MRRF: variants seen among roughly 807,000 people sequenced by gnomAD.
The protein encoded by MRRF is mitochondrial ribosome recycling factor.
MRRF carries 18 observed loss-of-function variants against 25.1 expected under a neutral mutation model. The observed-to-expected ratio is 0.72, with a 90% CI of 0.50 to 1.06. The LOEUF is 1.06. Ranked by LOEUF, MRRF falls within the 50% of genes least tolerant of loss-of-function variation. The pLI is 0.00. For synonymous variants in MRRF, 113 were observed against 112.1 expected, an observed-to-expected ratio of 1.01 and a Z score of -0.05; for missense variants, 323 against 319.3, an observed-to-expected ratio of 1.01 and a Z score of -0.09.
At chr9:122,265,927 T>C in intron 1 of MRRF, 1 of 424,454 alleles carries the variant, frequency 2.4e-6, no homozygotes, top group Non-Finnish European at 4.4e-6. Context: ...CTTTACCTGG[T>C]ACTGCATTTA....
At chr9:122,278,243 A>G (rs1832895905) in intron 2 of MRRF, among the ~76,000 whole-genome samples, 1 of 152,150 alleles carries the variant, frequency 6.6e-6, no homozygotes, top group Non-Finnish European at 1.5e-5. Context: ...TATAGAAATA[A>G]AAAAACCCTG....
intron 5 of MRRF, among the ~76,000 whole-genome samples, chr9:122,304,463 A>T (rs1190988157): frequency 1.3e-5 from 2 of 152,208 alleles, no homozygotes; most frequent in South Asian, 2.1e-4. Context: ...ATTGAAACAC[A>T]CAAGGATGTT....
At position 122,273,981 on chromosome 9, in the gene MRRF, C is replaced by G. The variant is rs571955097; in HGVS notation, c.184+2906C>G. On this transcript the variant is annotated intron_variant, in intron 2 of 6. Coordinates refer to ENST00000344641, the MANE Select transcript of MRRF (RefSeq NM_138777.5). ...CAGTTTTGAGCTAAAACAAATAATG[C>G]TAGTATAAGCATTCTTGTACATGTG... 3.3e-5 allele frequency among the ~76,000 whole-genome samples: 5 copies of G among 152,184 alleles called. No homozygotes were observed. In the East Asian group the frequency reaches 9.7e-4, roughly 29 times the overall value.
At chr9:122,290,317 T>C (rs1013606594) in intron 4 of MRRF, among the ~76,000 whole-genome samples, 1 of 152,134 alleles carries the variant, frequency 6.6e-6, no homozygotes, top group Non-Finnish European at 1.5e-5. Flanking sequence ...CCTCTTCACA[T>C]AATGAAGAGA....
chr9:122,312,995 G>T (rs1358965074), intron 5 of MRRF, among the ~76,000 whole-genome samples: 1 of 152,162 alleles, frequency 6.6e-6, no homozygotes, highest in Non-Finnish European at 1.5e-5. Context: ...TTGAATCCCA[G>T]TTCTCTCACT....
chr9:122,274,416 G>A (rs1237110613), intron 2 of MRRF, among the ~76,000 whole-genome samples: 3 of 152,160 alleles, frequency 2.0e-5, no homozygotes, highest in Non-Finnish European at 4.4e-5. Flanking sequence ...CAGGACTTTG[G>A]GAGGCCAAGG....
At chr9:122,304,764 C>T (rs1391069953) in intron 5 of MRRF, among the ~76,000 whole-genome samples, 5 of 152,154 alleles carry the variant, frequency 3.3e-5, no homozygotes, top group African/African-American at 1.2e-4. Flanking sequence ...GAGAGTAGTA[C>T]TGTTATTACC....
chr9:122,274,704 T>C (rs916821348), intron 2 of MRRF, among the ~76,000 whole-genome samples: 1 of 152,202 alleles, frequency 6.6e-6, no homozygotes, highest in South Asian at 2.1e-4. Context: ...GTTGTTGATA[T>C]AAAGTTGTTC....
intron 2 of MRRF, 85 bp downstream of exon 2, chr9:122,271,160 C>T: frequency 8.7e-7 from 1 of 1,147,630 alleles, no homozygotes; most frequent in Non-Finnish European, 1.3e-6. Flanking sequence ...CTCAGATGTA[C>T]TGAATTTCTC....
At chr9:122,308,328 TC>T (rs1834989855) in intron 5 of MRRF, among the ~76,000 whole-genome samples, 1 of 152,044 alleles carries the variant, frequency 6.6e-6, no homozygotes, top group Admixed American at 6.6e-5. Flanking sequence ...ACAAATCTGA[TC>T]AAGTTTCTTC....
intron 5 of MRRF, among the ~76,000 whole-genome samples, chr9:122,304,441 G>A (rs1220154317): frequency 2.0e-5 from 3 of 152,148 alleles, no homozygotes; most frequent in South Asian, 2.1e-4. Flanking sequence ...CCTTCCCAGC[G>A]TAGATGTACC....
At chr9:122,296,138 G>A (rs1834070593) in intron 5 of MRRF, among the ~76,000 whole-genome samples, 1 of 151,934 alleles carries the variant, frequency 6.6e-6, no homozygotes, top group Middle Eastern at 3.2e-3. Context: ...GGCTGTTTGC[G>A]AGTTTTTTTT....
intron 6 of MRRF, among the ~76,000 whole-genome samples, chr9:122,318,704 C>T (rs1364728632): frequency 6.6e-6 from 1 of 152,222 alleles, no homozygotes; most frequent in African/African-American, 2.4e-5. Context: ...GTTATCATCT[C>T]TATGAGGCAG....
At position 122,324,692 on chromosome 9, in the gene MRRF, C is replaced by T. The variant is rs146632729; in HGVS notation, c.*2075C>T. The T allele has an allele frequency of 5.3e-5, 8 of 152,356 alleles. No individual in the cohort carries two copies. In the East Asian group the frequency reaches 1.5e-3, roughly 29 times the overall value. 9.4% of individuals were successfully genotyped at this position (152,356 alleles called of 1,614,324 possible). ...GTGGCAAGGCCTGGCTGAGTTCTTT[C>T]AAAGCAACATCCAACTTCTCTTTGC... On this transcript the variant is annotated 3_prime_UTR_variant, in exon 7 of 7. Coordinates refer to ENST00000344641, the MANE Select transcript of MRRF (RefSeq NM_138777.5).
chr9:122,319,534 T>TA (rs1169742532), intron 6 of MRRF, among the ~76,000 whole-genome samples: 1 of 152,172 alleles, frequency 6.6e-6, no homozygotes, highest in African/African-American at 2.4e-5. Flanking sequence ...TCATAGAGGC[T>TA]ATGTGAGGTT....
At chr9:122,305,943 T>A (rs987102494) in intron 5 of MRRF, among the ~76,000 whole-genome samples, 2 of 152,206 alleles carry the variant, frequency 1.3e-5, no homozygotes, top group Middle Eastern at 3.2e-3. Context: ...CAGGTGCCAT[T>A]TATGTATTAG....
At chr9:122,302,969 C>T (rs1419201791) in intron 5 of MRRF, among the ~76,000 whole-genome samples, 1 of 152,130 alleles carries the variant, frequency 6.6e-6, no homozygotes, top group East Asian at 1.9e-4. Flanking sequence ...AAGCTCTTTT[C>T]ATGTGCTTGT....
chr9:122,323,606 C>T lies in MRRF; in HGVS notation c.*989C>T, dbSNP rs1192469453. On this transcript the variant is annotated 3_prime_UTR_variant, in exon 7 of 7. Transcript: ENST00000344641. ...TTGACAGACAAGTAGTTTATTGTGG[C>T]TTATCTTCGGATACTGGGTTATTAG... is the stretch of plus-strand genomic sequence containing the variant. 6.6e-6 allele frequency: 1 copy of T among 152,210 alleles called. No homozygotes were observed. Among genetic ancestry groups the T allele is most frequent in the Admixed American group, 6.5e-5 (1 of 15,284 alleles). 9.4% of individuals were successfully genotyped at this position (152,210 alleles called of 1,614,324 possible).
intron 4 of MRRF, among the ~76,000 whole-genome samples, chr9:122,290,443 A>G (rs1833690009): frequency 6.6e-6 from 1 of 152,188 alleles, no homozygotes; most frequent in Admixed American, 6.5e-5. Context: ...ACAGCCTCCC[A>G]AGAGGATTCT....
Sources: allele counts gnomAD v4.1 joint callset (sites outside exome capture counted in the v4.1 genomes callset), GRCh38; gene constraint gnomAD v4.1.1; transcripts MANE v1.5; gene names NCBI Gene and HGNC (gene_info 2026-07-23, HGNC 2026-07-21).